Variants in UVRAG observed in about 807,000 individuals in gnomAD.
UVRAG encodes the protein UV radiation resistance-associated gene protein.
A neutral mutation model predicts 78.0 loss-of-function variants in UVRAG; 19 were observed. That is an observed-to-expected ratio of 0.24 (90% CI 0.17 to 0.36). UVRAG has a LOEUF of 0.36. Ranked by LOEUF, UVRAG falls within the 10% of genes least tolerant of loss-of-function variation. The pLI, the probability that UVRAG is intolerant of heterozygous loss-of-function variation, is 1.00. For missense variants in UVRAG, 740 were observed against 853.8 expected, an observed-to-expected ratio of 0.87 and a Z score of 1.66; for synonymous variants, 323 against 324.6, an observed-to-expected ratio of 1.00 and a Z score of 0.05.
At chr11:75,900,344 A>G (rs1197003112) in intron 5 of UVRAG, among the ~76,000 whole-genome samples, 3 of 152,134 alleles carry the variant, frequency 2.0e-5, no homozygotes, top group African/African-American at 7.2e-5. Context: ...TTTCTGTTTC[A>G]ACTGTTGTAC....
intron 12 of UVRAG, among the ~76,000 whole-genome samples, chr11:76,059,879 A>C (rs893189345): frequency 5.3e-5 from 8 of 152,248 alleles, no homozygotes; most frequent in Non-Finnish European, 1.2e-4. Context: ...CCATGTTGTC[A>C]CATTTTCTAT....
chr11:75,905,975 G>C (rs1304466985), intron 5 of UVRAG, among the ~76,000 whole-genome samples: 2 of 151,812 alleles, frequency 1.3e-5, no homozygotes, highest in Non-Finnish European at 2.9e-5. Context: ...TCTTCTGTTT[G>C]TTTGTTATGC....
intron 12 of UVRAG, among the ~76,000 whole-genome samples, chr11:76,061,899 A>G (rs1322075625): frequency 1.3e-5 from 2 of 152,200 alleles, no homozygotes; most frequent in Admixed American, 6.5e-5. Context: ...ACTATACCTC[A>G]TTGAGTCCAG....
At chr11:75,900,121 A>G (rs1418773420) in intron 5 of UVRAG, among the ~76,000 whole-genome samples, 1 of 152,176 alleles carries the variant, frequency 6.6e-6, no homozygotes, top group Non-Finnish European at 1.5e-5. Flanking sequence ...AACTTTTAAT[A>G]CTGTAAAATT....
intron 13 of UVRAG, among the ~76,000 whole-genome samples, chr11:76,100,235 T>C (rs1450257754): frequency 6.6e-6 from 1 of 152,138 alleles, no homozygotes; most frequent in African/African-American, 2.4e-5. Context: ...CAGAAATGAT[T>C]CTTCAGTGTT....
chr11:75,887,286 C>T (rs1209757177), intron 4 of UVRAG, among the ~76,000 whole-genome samples: 1 of 151,866 alleles, frequency 6.6e-6, no homozygotes, highest in Non-Finnish European at 1.5e-5. Flanking sequence ...GCTGGGATTA[C>T]AGGCGCCCGC....
At chr11:76,076,831 T>G (rs1368721130) in intron 13 of UVRAG, among the ~76,000 whole-genome samples, 1 of 150,812 alleles carries the variant, frequency 6.6e-6, no homozygotes, top group Non-Finnish European at 1.5e-5. Context: ...TTTATTTATT[T>G]ATTAGAGGCA....
chr11:75,995,984 G>T lies in UVRAG; in HGVS notation c.827-8021G>T, dbSNP rs554194762. ...TAGCAATAAAAGCCAGACAACTTGTGGCAGGGGTATTTTGGGGGAAGAGGT... is the reference window on the plus strand; with the variant it reads ...TAGCAATAAAAGCCAGACAACTTGTTGCAGGGGTATTTTGGGGGAAGAGGT... On this transcript the variant is annotated intron_variant, in intron 8 of 14. Coordinates refer to ENST00000356136, the MANE Select transcript of UVRAG (RefSeq NM_003369.4). 2.6e-5 allele frequency among the ~76,000 whole-genome samples: 4 copies of T among 152,208 alleles called. No homozygotes were observed. In the East Asian group the frequency reaches 7.7e-4, roughly 29 times the overall value.
chr11:75,843,656 G>A (rs1945964441), intron 1 of UVRAG, among the ~76,000 whole-genome samples: 1 of 152,066 alleles, frequency 6.6e-6, no homozygotes, highest in Non-Finnish European at 1.5e-5. Context: ...TTCAGGGCCA[G>A]TAGGGGCAAA....
intron 6 of UVRAG, among the ~76,000 whole-genome samples, chr11:75,955,873 G>A (rs1948786755): frequency 6.6e-6 from 1 of 152,170 alleles, no homozygotes; most frequent in African/African-American, 2.4e-5. Flanking sequence ...AGGTGACAAA[G>A]TGAGACCACC....
intron 3 of UVRAG, among the ~76,000 whole-genome samples, chr11:75,868,651 A>G (rs1946584230): frequency 6.6e-6 from 1 of 152,152 alleles, no homozygotes; most frequent in Non-Finnish European, 1.5e-5. Context: ...GTTCAGGGAG[A>G]GGTTAGATCC....
At chr11:76,012,830 TG>T (rs1950078423) in intron 11 of UVRAG, 2 of 151,740 alleles carry the variant, frequency 1.3e-5, no homozygotes, top group Non-Finnish European at 2.9e-5. Flanking sequence ...TGTGTGTGTG[TG>T]TGTGTGTGTG....
chr11:76,032,495 G>A (rs1192305487), intron 12 of UVRAG, among the ~76,000 whole-genome samples: 1 of 152,144 alleles, frequency 6.6e-6, no homozygotes, highest in African/African-American at 2.4e-5. Flanking sequence ...AGGGGACATC[G>A]CAAGAAAGCC....
At chr11:76,040,414 A>C (rs1950623134) in intron 12 of UVRAG, among the ~76,000 whole-genome samples, 1 of 149,704 alleles carries the variant, frequency 6.7e-6, no homozygotes, top group Non-Finnish European at 1.5e-5. Context: ...TGGAGCTTGC[A>C]GTGAGCCGAG....
intron 9 of UVRAG, among the ~76,000 whole-genome samples, chr11:76,006,524 G>A (rs1391302437): frequency 2.6e-5 from 4 of 151,764 alleles, no homozygotes; most frequent in African/African-American, 4.8e-5. Context: ...GCTCAGCATG[G>A]TTGGGCATAC....
chr11:75,987,872 G>A (rs985788704), intron 8 of UVRAG, among the ~76,000 whole-genome samples: 6 of 151,878 alleles, frequency 4.0e-5, no homozygotes, highest in Admixed American at 3.9e-4. Context: ...CAAGTAGCTG[G>A]GATTACAGGC....
intron 3 of UVRAG, among the ~76,000 whole-genome samples, chr11:75,870,089 C>T (rs779541269): frequency 2.1e-4 from 32 of 152,098 alleles, no homozygotes; most frequent in Non-Finnish European, 3.5e-4. Flanking sequence ...ATAAAAAAAT[C>T]ATCTGGGTCT....
At chr11:75,885,561 T>C (rs1391190367) in intron 4 of UVRAG, among the ~76,000 whole-genome samples, 1 of 152,152 alleles carries the variant, frequency 6.6e-6, no homozygotes, top group Non-Finnish European at 1.5e-5. Flanking sequence ...GTATGTATTA[T>C]TCATTTCACT....
intron 3 of UVRAG, among the ~76,000 whole-genome samples, chr11:75,873,839 A>G (rs931866325): frequency 6.6e-6 from 1 of 152,184 alleles, no homozygotes; most frequent in African/African-American, 2.4e-5. Context: ...AAGGGTACTC[A>G]GTTCCAGGGG....
Sources: gnomAD v4.1 joint callset for allele counts (sites outside exome capture counted in the v4.1 genomes callset) on GRCh38, gnomAD v4.1.1 for gene constraint, MANE v1.5 for transcripts, NCBI Gene and HGNC (gene_info 2026-07-23, HGNC 2026-07-21) for gene names.